C1orf105: variants seen among roughly 807,000 people sequenced by gnomAD.
C1orf105 encodes uncharacterized protein C1orf105.
In C1orf105, 17 loss-of-function variants were observed where a neutral mutation model predicts 20.8. That is an observed-to-expected ratio of 0.82 (90% confidence interval 0.56 to 1.23). The LOEUF is 1.23. Ranked by LOEUF, C1orf105 falls within the 50% of genes most tolerant of loss-of-function variation. C1orf105 has a pLI of 0.00. For synonymous variants in C1orf105, 72 were observed against 72.1 expected (o/e 1.00, Z 0.01); for missense variants, 219 against 213.5 (o/e 1.03, Z -0.16).
intron 2 of C1orf105, 91 bp from the exon 3 acceptor site, chr1:172,448,350 G>A: frequency 2.5e-6 from 2 of 814,194 alleles, no homozygotes; most frequent in Non-Finnish European, 4.1e-6. Flanking sequence ...GCTCCCTGTG[G>A]TGTCCCTTGT....
At chr1:172,423,303 T>C (rs1266914359) in intron 1 of C1orf105, among the ~76,000 whole-genome samples, 1 of 152,124 alleles carries the variant, frequency 6.6e-6, no homozygotes, top group African/African-American at 2.4e-5. Flanking sequence ...CTCTGTTTCT[T>C]TGGGAAAAAG....
intron 1 of C1orf105, among the ~76,000 whole-genome samples, chr1:172,425,806 GA>G (rs1193420014): frequency 1.3e-5 from 2 of 152,150 alleles, no homozygotes; most frequent in Non-Finnish European, 2.9e-5. Context: ...TGCTCATGAG[GA>G]TGTGAAAAGG....
chr1:172,421,275 A>C (rs1373392500), intron 1 of C1orf105, among the ~76,000 whole-genome samples: 1 of 152,196 alleles, frequency 6.6e-6, no homozygotes, highest in Non-Finnish European at 1.5e-5. Flanking sequence ...CTGTGAATGC[A>C]CTTTAAAACA....
At chr1:172,462,104 C>G (rs1649734683) in intron 4 of C1orf105, 74 bp from the exon 5 acceptor site, 3 of 1,114,162 alleles carry the variant, frequency 2.7e-6, no homozygotes, top group South Asian at 2.7e-5. Flanking sequence ...CACAAATTCA[C>G]TAAAGTGGTA....
At chr1:172,437,339 T>C (rs549107578) in intron 1 of C1orf105, among the ~76,000 whole-genome samples, 58 of 152,270 alleles carry the variant, frequency 3.8e-4, no homozygotes, top group Admixed American at 1.3e-3. Context: ...CCAACCCAAA[T>C]GTCCATCAAT....
At chr1:172,430,461 A>G in intron 1 of C1orf105, 1 of 589,334 alleles carries the variant, frequency 1.7e-6, no homozygotes, top group Non-Finnish European at 3.0e-6. Flanking sequence ...TTTATTTTTG[A>G]GACAGGGTCT....
chr1:172,433,382 A>C (rs189759594), intron 1 of C1orf105, among the ~76,000 whole-genome samples: 2 of 152,236 alleles, frequency 1.3e-5, no homozygotes, highest in Non-Finnish European at 2.9e-5. Flanking sequence ...AAAGGGAAGC[A>C]CATCAGACTA....
At chr1:172,433,580 C>A (rs1573837267) in intron 1 of C1orf105, among the ~76,000 whole-genome samples, 1 of 152,172 alleles carries the variant, frequency 6.6e-6, no homozygotes, top group African/African-American at 2.4e-5. Context: ...ACCAGGCCTG[C>A]CTTACAAGAG....
At chr1:172,421,154 G>A (rs2071576035) in intron 1 of C1orf105, among the ~76,000 whole-genome samples, 2 of 152,032 alleles carry the variant, frequency 1.3e-5, no homozygotes, top group Admixed American at 1.3e-4. Flanking sequence ...TGTTGTACTT[G>A]CCAACATCTT....
At chr1:172,423,058 G>C (rs1288632657) in intron 1 of C1orf105, among the ~76,000 whole-genome samples, 1 of 152,202 alleles carries the variant, frequency 6.6e-6, no homozygotes, top group Non-Finnish European at 1.5e-5. Context: ...AGGGGAACTT[G>C]ATTCCCTGAA....
At chr1:172,454,692 C>T (rs1343374361) in intron 3 of C1orf105, among the ~76,000 whole-genome samples, 2 of 152,060 alleles carry the variant, frequency 1.3e-5, no homozygotes, top group African/African-American at 4.8e-5. Flanking sequence ...AAACACCTAC[C>T]CAAGCATTGC....
chr1:172,465,926 T>C (rs1014675728), intron 6 of C1orf105, among the ~76,000 whole-genome samples: 1 of 152,214 alleles, frequency 6.6e-6, no homozygotes, highest in Non-Finnish European at 1.5e-5. Flanking sequence ...CTGGTGAAGA[T>C]GGAGTGAGCC....
intron 1 of C1orf105, chr1:172,442,173 A>T (rs754754890): frequency 2.5e-6 from 4 of 1,614,018 alleles, no homozygotes; most frequent in Non-Finnish European, 3.4e-6. Flanking sequence ...CTGACATGGC[A>T]TAGATGGTGT....
chr1:172,444,232 C>T (rs551305275), intron 1 of C1orf105: 148 of 985,858 alleles, frequency 1.5e-4, no homozygotes, highest in Middle Eastern at 1.0e-3. Flanking sequence ...CCTAGGAAGG[C>T]AAATCCCCAG....
chr1:172,432,471 CAG>C (rs1643666709), intron 1 of C1orf105, among the ~76,000 whole-genome samples: 1 of 152,212 alleles, frequency 6.6e-6, no homozygotes, highest in South Asian at 2.1e-4. Context: ...ACCAGGCAAA[CAG>C]GGTCTGGAGT....
intron 1 of C1orf105, among the ~76,000 whole-genome samples, chr1:172,421,257 C>T (rs1447521829): frequency 6.6e-6 from 1 of 152,044 alleles, no homozygotes; most frequent in African/African-American, 2.4e-5. Flanking sequence ...TGAAGTAAAC[C>T]TTCTCAACTG....
chr1:172,461,914 A>G (rs1649719892), intron 4 of C1orf105, among the ~76,000 whole-genome samples: 1 of 152,160 alleles, frequency 6.6e-6, no homozygotes, highest in South Asian at 2.1e-4. Flanking sequence ...CTTGAAGAAC[A>G]TGTGTGTATT....
chr1:172,434,326 A>T (rs1370051490), intron 1 of C1orf105, among the ~76,000 whole-genome samples: 7 of 152,230 alleles, frequency 4.6e-5, no homozygotes, highest in Non-Finnish European at 7.3e-5. Flanking sequence ...CATCGCACTT[A>T]TTCTAATATT....
At chr1:172,456,586 C>T (rs112445611) in intron 4 of C1orf105, 97 bp downstream of exon 4, 19 of 1,204,034 alleles carry the variant, frequency 1.6e-5, no homozygotes, top group African/African-American at 1.0e-4. Flanking sequence ...TGACGGGGCC[C>T]GTTGCAAGGA....
Sources: allele counts gnomAD v4.1 joint callset (sites outside exome capture counted in the v4.1 genomes callset), GRCh38; gene constraint gnomAD v4.1.1; transcripts MANE v1.5; gene names NCBI Gene and HGNC (gene_info 2026-07-23, HGNC 2026-07-21).